Variants in CBX1 observed in about 807,000 individuals in gnomAD.
The protein encoded by CBX1 is chromobox protein homolog 1.
In CBX1, 10 loss-of-function variants were observed where a neutral mutation model predicts 25.1. The observed-to-expected ratio is 0.40, with a 90% confidence interval of 0.25 to 0.68. CBX1 has a LOEUF of 0.68. Among genes scored for constraint, CBX1 ranks in the 30% least tolerant of loss-of-function variants. CBX1 has a pLI of 0.40. For missense variants in CBX1, 106 were observed against 218.5 expected (o/e 0.49, Z 3.25); for synonymous variants, 63 against 79.4 (o/e 0.79, Z 1.10).
chr17:48,100,987 G>A, intron 1 of CBX1: 1 of 985,954 alleles, frequency 1.0e-6, no homozygotes. Flanking sequence ...GACCACCCGG[G>A]CCCCGAAGAG....
intron 1 of CBX1, among the ~76,000 whole-genome samples, chr17:48,089,963 C>A (rs1449514743): frequency 6.6e-6 from 1 of 151,546 alleles, no homozygotes; most frequent in African/African-American, 2.4e-5. Context: ...CTCTGTCACC[C>A]AGGCTGGAGT....
chr17:48,089,201 C>G (rs111865079), intron 1 of CBX1, among the ~76,000 whole-genome samples: 1 of 149,724 alleles, frequency 6.7e-6, no homozygotes, highest in Non-Finnish European at 1.5e-5. Context: ...CCCAGGTTCA[C>G]GCCATTCTCC....
chr17:48,097,777 T>C (rs2063383526), intron 1 of CBX1, among the ~76,000 whole-genome samples: 2 of 152,180 alleles, frequency 1.3e-5, no homozygotes, highest in South Asian at 4.1e-4. Flanking sequence ...AGTTATTCTA[T>C]GCAAATATTG....
At chr17:48,091,983 CTTTTT>C (rs56277117) in intron 1 of CBX1, among the ~76,000 whole-genome samples, 2 of 62,914 alleles carry the variant, frequency 3.2e-5, no homozygotes, top group Admixed American at 2.6e-4. Flanking sequence ...CCAGCCAGAT[CTTTTT>C]TTTTTTTTTT....
intron 1 of CBX1, among the ~76,000 whole-genome samples, chr17:48,084,227 T>C (rs80050811): frequency 1.1e-5 from 1 of 90,790 alleles, no homozygotes; most frequent in Non-Finnish European, 2.2e-5. Context: ...TTTTTTTTTT[T>C]TTGAGACGGA....
intron 1 of CBX1, among the ~76,000 whole-genome samples, chr17:48,083,548 C>T (rs1427962548): frequency 2.7e-5 from 4 of 150,432 alleles, no homozygotes; most frequent in African/African-American, 5.0e-5. Flanking sequence ...GGCCAGGTGG[C>T]GTGGTGGCTC....
intron 1 of CBX1, among the ~76,000 whole-genome samples, chr17:48,099,086 TCTATCTAC>T (rs1337984009): frequency 1.3e-5 from 2 of 152,130 alleles, no homozygotes; most frequent in Admixed American, 6.6e-5. Context: ...TCACACACCA[TCTATCTAC>T]CTATCATCTA....
At chr17:48,098,237 GACAC>G (rs1447973362) in intron 1 of CBX1, among the ~76,000 whole-genome samples, 1 of 146,346 alleles carries the variant, frequency 6.8e-6, no homozygotes, top group African/African-American at 2.6e-5. Context: ...GCAACAGAGC[GACAC>G]TCTGTCTTAA....
At chr17:48,075,329 G>A (rs969892667) in intron 3 of CBX1, among the ~76,000 whole-genome samples, 13 of 151,004 alleles carry the variant, frequency 8.6e-5, no homozygotes, top group African/African-American at 3.2e-4. Context: ...CAAGTAGCTG[G>A]GACCACAGGC....
chr17:48,098,729 A>G (rs1291016189), intron 1 of CBX1, among the ~76,000 whole-genome samples: 2 of 152,184 alleles, frequency 1.3e-5, no homozygotes, highest in Non-Finnish European at 2.9e-5. Flanking sequence ...TAAACTAGCA[A>G]TTAGCCTTCT....
intron 4 of CBX1, 25 bp downstream of exon 4, chr17:48,074,979 ACC>A: frequency 6.6e-7 from 1 of 1,515,668 alleles, no homozygotes; most frequent in South Asian, 1.1e-5. Flanking sequence ...AAAAAAAACA[ACC>A]ACACAGAGCC....
intron 1 of CBX1, among the ~76,000 whole-genome samples, chr17:48,083,487 C>T (rs1318080993): frequency 1.3e-5 from 2 of 150,574 alleles, no homozygotes; most frequent in African/African-American, 5.0e-5. Context: ...TTTCTGACAT[C>T]TCTACTTGTC....
chr17:48,090,575 C>T (rs199635139), intron 1 of CBX1, among the ~76,000 whole-genome samples: 2 of 152,148 alleles, frequency 1.3e-5, no homozygotes, highest in African/African-American at 2.4e-5. Context: ...AACTCCTGAT[C>T]CAATTCATTT....
intron 1 of CBX1, among the ~76,000 whole-genome samples, chr17:48,082,864 T>A (rs1278952168): frequency 7.4e-6 from 1 of 135,792 alleles, no homozygotes; most frequent in Admixed American, 7.2e-5. Flanking sequence ...ATGACACAAT[T>A]ATCTTTTTTT....
At chr17:48,072,739 T>C (rs1269901930) in intron 4 of CBX1, among the ~76,000 whole-genome samples, 2 of 151,474 alleles carry the variant, frequency 1.3e-5, no homozygotes, top group East Asian at 2.0e-4. Flanking sequence ...GCCGAGATCA[T>C]GCCACTGCAC....
At position 48,095,477 on chromosome 17, in the gene CBX1, T is replaced by C. The variant is rs143921152; in HGVS notation, c.-38+5791A>G. Among the ~76,000 whole-genome samples the C allele has an allele frequency of 1.4e-3, 210 of 152,012 alleles. 2 individuals are homozygous for C. Among genetic ancestry groups the C allele is most frequent in the Admixed American group, 6.4e-3 (97 of 15,254 alleles). ...GGTGGTACACGCCTGTAATCCCAGC[T>C]ACCTGGGAGGCTGAGGTTGCGGTGA... is the stretch of plus-strand genomic sequence containing the variant. On this transcript the variant is annotated intron_variant, in intron 1 of 4. Coordinates refer to ENST00000225603, the MANE Select transcript of CBX1 (RefSeq NM_001127228.2).
Position 48,100,952 on chromosome 17 carries a change from C to T in CBX1, c.-38+316G>A, listed in dbSNP as rs550506847. 9.1e-6 allele frequency: 9 copies of T among 986,486 alleles called. No individual in the cohort carries two copies. The East Asian group carries it at 6.8e-4, about 74-fold the overall frequency. The allele number at this position is 986,486 out of a possible 1,614,324, so 61.1% of individuals were successfully genotyped here. The stretch of plus-strand genomic sequence containing the variant: ...GTCCCCTTCCGCCCTATCCCGCAGC[C>T]GCCCAGCCAAGCAACATTGTTCCAG... On this transcript the variant is annotated intron_variant, in intron 1 of 4. Coordinates refer to ENST00000225603, the MANE Select transcript of CBX1 (RefSeq NM_001127228.2).
chr17:48,097,531 C>A (rs974986916), intron 1 of CBX1, among the ~76,000 whole-genome samples: 1 of 150,986 alleles, frequency 6.6e-6, no homozygotes, highest in Non-Finnish European at 1.5e-5. Flanking sequence ...GCAGGAGGAT[C>A]GCTTGAACCT....
intron 1 of CBX1, among the ~76,000 whole-genome samples, chr17:48,091,307 C>T (rs1598314098): frequency 6.6e-6 from 1 of 151,838 alleles, no homozygotes; most frequent in Middle Eastern, 3.5e-3. Flanking sequence ...CTTTCCCCCT[C>T]TTTTAACCCG....
Sources: gnomAD v4.1 joint callset for allele counts (sites outside exome capture counted in the v4.1 genomes callset) on GRCh38, gnomAD v4.1.1 for gene constraint, MANE v1.5 for transcripts, NCBI Gene and HGNC (gene_info 2026-07-23, HGNC 2026-07-21) for gene names.